The following GLG1 variants were observed in gnomAD, a reference collection of about 807,000 sequenced individuals.
The protein encoded by GLG1 is golgi glycoprotein 1, also known as Golgi apparatus protein 1.
In GLG1, 38 loss-of-function variants were observed where a neutral mutation model predicts 160.5. The ratio of observed to expected loss-of-function variants is 0.24; its 90% confidence interval spans 0.18 to 0.31. GLG1 has a LOEUF of 0.31. Ranked by LOEUF, GLG1 falls within the 10% of genes least tolerant of loss-of-function variation. GLG1 has a pLI of 1.00. For missense variants in GLG1, 1,373 were observed against 1,505.2 expected (o/e 0.91, Z 1.45); for synonymous variants, 644 against 543.4 (o/e 1.19, Z -2.57).
intron 1 of GLG1, among the ~76,000 whole-genome samples, chr16:74,603,115 A>AACAACC (rs1958481978): frequency 6.6e-6 from 1 of 151,114 alleles, no homozygotes. Context: ...CAACAACAGC[A>AACAACC]GCAGCAGCAG....
chr16:74,498,448 G>GTATATATATATATATATAATATATATATA (rs2016282776), intron 4 of GLG1, among the ~76,000 whole-genome samples: 2 of 24,030 alleles, frequency 8.3e-5, no homozygotes, highest in African/African-American at 2.8e-4. Context: ...AAAAAAAAAA[G>GTATATATATATATATATAATATATATATA]TATATATATA....
At chr16:74,494,188 C>A (rs1373859764) in intron 6 of GLG1, among the ~76,000 whole-genome samples, 4 of 150,088 alleles carry the variant, frequency 2.7e-5, no homozygotes, top group Non-Finnish European at 4.4e-5. Context: ...AAAACAAAAA[C>A]AAAACAAAAC....
At chr16:74,486,454 T>G (rs1252659154) in intron 8 of GLG1, among the ~76,000 whole-genome samples, 4 of 152,234 alleles carry the variant, frequency 2.6e-5, no homozygotes, top group African/African-American at 9.6e-5. Context: ...GATTATGGTA[T>G]TTATAATTTC....
Position 74,485,934 on chromosome 16 carries a change from T to C in GLG1, c.1450-17A>G. ...TGTTTGAAGCTGAATTAAAATAAATTAAGAAGGAAGAAAGAAAGTCACTTA... is the reference window on the plus strand; with the variant it reads ...TGTTTGAAGCTGAATTAAAATAAATCAAGAAGGAAGAAAGAAAGTCACTTA... On this transcript the variant is annotated splice_polypyrimidine_tract_variant and intron_variant, in intron 8 of 25. Coordinates refer to ENST00000422840, the MANE Select transcript of GLG1 (RefSeq NM_001145667.2). 2 of 1,604,898 alleles carry C rather than the reference T, an allele frequency of 1.2e-6. No individual in the cohort carries two copies. Among genetic ancestry groups the C allele is most frequent in the South Asian group, 1.1e-5 (1 of 90,040 alleles).
chr16:74,520,344 T>A (rs538769943), intron 2 of GLG1, among the ~76,000 whole-genome samples: 6 of 152,286 alleles, frequency 3.9e-5, no homozygotes, highest in African/African-American at 1.4e-4. Context: ...GGGCTTTATT[T>A]AAAAACACGT....
intron 1 of GLG1, among the ~76,000 whole-genome samples, chr16:74,549,360 C>T (rs2143690299): frequency 6.6e-6 from 1 of 152,116 alleles, no homozygotes; most frequent in Non-Finnish European, 1.5e-5. Flanking sequence ...GTGATGCAAT[C>T]TCAGCTCACT....
chr16:74,524,017 A>G (rs2017255673), intron 2 of GLG1, among the ~76,000 whole-genome samples: 1 of 152,184 alleles, frequency 6.6e-6, no homozygotes, highest in Non-Finnish European at 1.5e-5. Context: ...GTTTGAGACT[A>G]GCCTGGCCAA....
intron 1 of GLG1, among the ~76,000 whole-genome samples, chr16:74,585,251 T>TA (rs1567540396): frequency 6.6e-6 from 1 of 151,234 alleles, no homozygotes; most frequent in African/African-American, 2.4e-5. Flanking sequence ...CTACTAAAAA[T>TA]ACAAAAAATT....
At chr16:74,507,802 T>C (rs1567490861) in intron 3 of GLG1, among the ~76,000 whole-genome samples, 1 of 152,192 alleles carries the variant, frequency 6.6e-6, no homozygotes, top group Non-Finnish European at 1.5e-5. Flanking sequence ...ACATTTAAAG[T>C]TCAAGCCTAG....
At chr16:74,490,959 A>G (rs764021119) in intron 8 of GLG1, 42 bp downstream of exon 8, 1 of 1,398,234 alleles carries the variant, frequency 7.2e-7, no homozygotes. Flanking sequence ...TCTTCAGCTG[A>G]TAAATGTGAC....
intron 9 of GLG1, 22 bp downstream of exon 9, chr16:74,485,762 AATATGGATAAAT>A (rs780671740): frequency 1.3e-6 from 2 of 1,591,386 alleles, no homozygotes; most frequent in Non-Finnish European, 1.7e-6. Context: ...AATGAAATAC[AATATGGATAAAT>A]ACCATGGAGA....
rs2014320040 is a variant in GLG1, at chr16:74,451,888, TACA to T, written c.*1276_*1278del. The T allele has an allele frequency of 5.4e-5, 32 of 598,028 alleles. 1 individual carries two copies. In the South Asian group the frequency reaches 6.5e-4, roughly 12 times the overall value. The allele number at this position is 598,028 out of a possible 1,614,324, so 37.0% of individuals were successfully genotyped here. A position where few individuals can be genotyped will look rare whatever the true frequency, so the allele number is the denominator to read the frequency against. On this transcript the variant is annotated 3_prime_UTR_variant, in exon 26 of 26. Coordinates refer to ENST00000422840, the MANE Select transcript of GLG1 (RefSeq NM_001145667.2). ...TGCAAAGGTTGATGAATCGCCAAAATACAACATTTAGCCAATGCCTACTAGAGT... is the reference window on the plus strand; with the variant it reads ...TGCAAAGGTTGATGAATCGCCAAAATACATTTAGCCAATGCCTACTAGAGT...
chr16:74,465,731 ATC>A lies in GLG1; in HGVS notation c.2610_2611del (p.Glu870AspfsTer28). 1 of 1,613,742 alleles carries A rather than the reference ATC, an allele frequency of 6.2e-7. No homozygotes were observed. Among genetic ancestry groups the A allele is most frequent in the Non-Finnish European group, 8.5e-7 (1 of 1,179,750 alleles). ...GGTGTAGTCTAGCTCTGGGTCCATC[ATC>A]TCTGTCTCCTGCAGCTTAAATACTT... On this transcript the variant is annotated frameshift_variant, in exon 19 of 26. Coordinates refer to ENST00000422840, the MANE Select transcript of GLG1 (RefSeq NM_001145667.2). LOFTEE classifies it high-confidence loss of function.
chr16:74,464,467 AT>A (rs1225149232), intron 19 of GLG1, among the ~76,000 whole-genome samples: 1 of 152,176 alleles, frequency 6.6e-6, no homozygotes, highest in Non-Finnish European at 1.5e-5. Context: ...TAAACTCCCT[AT>A]CCGTTCTGCT....
At chr16:74,590,961 A>T (rs1296837667) in intron 1 of GLG1, among the ~76,000 whole-genome samples, 2 of 151,586 alleles carry the variant, frequency 1.3e-5, no homozygotes, top group Non-Finnish European at 2.9e-5. Context: ...AAAAAAAAAA[A>T]TTAAAATATA....
At chr16:74,493,191 G>A (rs2016066408) in intron 6 of GLG1, 51 bp from the exon 7 acceptor site, 3 of 1,285,728 alleles carry the variant, frequency 2.3e-6, no homozygotes, top group Non-Finnish European at 2.2e-6. Flanking sequence ...TAACTTTACT[G>A]TTGACGTGTA....
chr16:74,493,020 G>C lies in GLG1; in HGVS notation c.1171C>G (p.Pro391Ala), dbSNP rs754735513. The change falls in exon 7 of 26, where the codon CCG (proline) becomes GCG (alanine). Residue 391 changes from proline to alanine, a missense_variant. Pro to Ala is a conservative substitution (Grantham distance 27). Coordinates refer to ENST00000422840, the MANE Select transcript of GLG1 (RefSeq NM_001145667.2). ...GAGAGCCTGGCTTCACGCGATCGCG[G>C]AAGGTTTTCCACATTGCACCGGTAT... ...KKYRCNVENLPRSREARLSYL... is the reference protein window; with the variant it reads ...KKYRCNVENLARSREARLSYL... 4 of 1,613,838 alleles carry C rather than the reference G, an allele frequency of 2.5e-6. No homozygotes were observed. Among genetic ancestry groups the C allele is most frequent in the Non-Finnish European group, 3.4e-6 (4 of 1,179,896 alleles).
rs758141908 is a variant in GLG1 at position 74,506,551 on chromosome 16, CAGCCTGGGTTACAG to C, written c.558+2274_558+2287del. On this transcript the variant is annotated intron_variant, in intron 3 of 25. Transcript: ENST00000422840. ...GAGCAGAGATCGCGCCACTGCACTC[CAGCCTGGGTTACAG>C]AGCAAGACTCCGTCTCAAAAAAAAA... Among the ~76,000 whole-genome samples the C allele has an allele frequency of 3.3e-3, 362 of 109,560 alleles. 2 individuals are homozygous for C. The highest frequency in any genetic ancestry group is 4.6e-3 in the Admixed American group (31 of 6,810). The allele number at this position is 109,560 out of a possible 152,430, so 71.9% of individuals were successfully genotyped here.
chr16:74,454,967 G>A (rs2014476487), intron 25 of GLG1, among the ~76,000 whole-genome samples: 1 of 152,032 alleles, frequency 6.6e-6, no homozygotes, highest in Non-Finnish European at 1.5e-5. Flanking sequence ...AGCTGGGTGT[G>A]GTGGCGTGCA....
Sources: gnomAD v4.1 joint callset for allele counts (sites outside exome capture counted in the v4.1 genomes callset) on GRCh38, gnomAD v4.1.1 for gene constraint, MANE v1.5 for transcripts, NCBI Gene and HGNC (gene_info 2026-07-23, HGNC 2026-07-21) for gene names.